Variants in CADM2 observed in about 807,000 individuals in gnomAD.
CADM2 encodes immunoglobulin superfamily member 4D.
In CADM2, 12 loss-of-function variants were observed where a neutral mutation model predicts 49.8. The ratio of observed to expected loss-of-function variants is 0.24; its 90% confidence interval spans 0.15 to 0.39. CADM2 has a LOEUF of 0.39. Ranked by LOEUF, CADM2 falls within the 10% of genes least tolerant of loss-of-function variation. The pLI is 1.00. For synonymous variants in CADM2, 214 were observed against 175.4 expected (o/e 1.22, Z -1.74); for missense variants, 378 against 492.3 (o/e 0.77, Z 2.20).
chr3:85,059,974 G>A (rs980072209), intron 1 of CADM2, among the ~76,000 whole-genome samples: 3 of 150,356 alleles, frequency 2.0e-5, no homozygotes, highest in Non-Finnish European at 4.4e-5. Flanking sequence ...GAGAGCCAAG[G>A]ATAAAAGTCA....
intron 1 of CADM2, among the ~76,000 whole-genome samples, chr3:85,358,693 T>G (rs1220724917): frequency 1.3e-5 from 2 of 152,188 alleles, no homozygotes; most frequent in Non-Finnish European, 2.9e-5. Flanking sequence ...GTACTAATCT[T>G]AGAAGAACTG....
intron 1 of CADM2, among the ~76,000 whole-genome samples, chr3:85,685,280 T>C (rs1377181855): frequency 6.6e-6 from 1 of 152,188 alleles, no homozygotes; most frequent in Non-Finnish European, 1.5e-5. Context: ...GCATGTCCCC[T>C]TGGTCCTTCA....
At chr3:85,379,473 G>A (rs1368663265) in intron 1 of CADM2, among the ~76,000 whole-genome samples, 4 of 151,940 alleles carry the variant, frequency 2.6e-5, no homozygotes, top group African/African-American at 9.7e-5. Context: ...TTCTGAGACT[G>A]GTTTTTAGGC....
At chr3:85,963,341 T>C (rs916726137) in intron 8 of CADM2, among the ~76,000 whole-genome samples, 3 of 152,024 alleles carry the variant, frequency 2.0e-5, no homozygotes, top group African/African-American at 7.2e-5. Context: ...TTAAATGTGG[T>C]AATCCCTGTA....
chr3:85,574,860 C>G (rs2062586467), intron 1 of CADM2, among the ~76,000 whole-genome samples: 1 of 152,108 alleles, frequency 6.6e-6, no homozygotes, highest in Non-Finnish European at 1.5e-5. Context: ...AGCACTTTAG[C>G]AAACTCTCTG....
intron 1 of CADM2, among the ~76,000 whole-genome samples, chr3:85,335,085 G>A (rs958595945): frequency 6.6e-6 from 1 of 151,282 alleles, no homozygotes; most frequent in Non-Finnish European, 1.5e-5. Flanking sequence ...TAAATAAAAT[G>A]CTACAAACAT....
At chr3:85,646,869 A>G (rs1435033604) in intron 1 of CADM2, among the ~76,000 whole-genome samples, 1 of 151,952 alleles carries the variant, frequency 6.6e-6, no homozygotes, top group African/African-American at 2.4e-5. Flanking sequence ...AACACAGGGC[A>G]ATAAATAAAT....
At chr3:85,219,128 G>C (rs191300067) in intron 1 of CADM2, among the ~76,000 whole-genome samples, 1 of 152,116 alleles carries the variant, frequency 6.6e-6, no homozygotes, top group African/African-American at 2.4e-5. Flanking sequence ...AATTAATGGT[G>C]AAAAGAATAA....
intron 1 of CADM2, among the ~76,000 whole-genome samples, chr3:85,110,394 C>G (rs2038404809): frequency 6.6e-6 from 1 of 151,840 alleles, no homozygotes; most frequent in Non-Finnish European, 1.5e-5. Flanking sequence ...ACACAACACT[C>G]TCATTTCTTA....
intron 5 of CADM2, among the ~76,000 whole-genome samples, chr3:85,906,457 C>A (rs1716826756): frequency 6.6e-6 from 1 of 152,072 alleles, no homozygotes; most frequent in Non-Finnish European, 1.5e-5. Flanking sequence ...CTTTTCAGAT[C>A]TATTAAGAAG....
chr3:85,530,573 C>T (rs2061283309), intron 1 of CADM2, among the ~76,000 whole-genome samples: 1 of 152,000 alleles, frequency 6.6e-6, no homozygotes, highest in South Asian at 2.1e-4. Context: ...TCATGATCCA[C>T]CCTCCTTGGC....
intron 1 of CADM2, among the ~76,000 whole-genome samples, chr3:84,970,107 T>C (rs2031316575): frequency 6.8e-6 from 1 of 146,042 alleles, no homozygotes; most frequent in Non-Finnish European, 1.5e-5. Context: ...GATTAGTCCC[T>C]GAAGTGAAGA....
chr3:85,618,680 C>T (rs2063872405), intron 1 of CADM2, among the ~76,000 whole-genome samples: 1 of 151,994 alleles, frequency 6.6e-6, no homozygotes, highest in African/African-American at 2.4e-5. Flanking sequence ...GTATAATACA[C>T]ATATTATACT....
chr3:85,604,512 G>C (rs1035787296), intron 1 of CADM2, among the ~76,000 whole-genome samples: 1 of 151,908 alleles, frequency 6.6e-6, no homozygotes, highest in Non-Finnish European at 1.5e-5. Context: ...CTAAAACCTG[G>C]TTGTGATATA....
chr3:85,986,848 C>T (rs995032555), intron 8 of CADM2, among the ~76,000 whole-genome samples: 1 of 152,006 alleles, frequency 6.6e-6, no homozygotes, highest in South Asian at 2.1e-4. Context: ...GGAGTGGCTG[C>T]AGGCAGGATG....
intron 1 of CADM2, among the ~76,000 whole-genome samples, chr3:85,533,814 C>A (rs934958581): frequency 6.6e-6 from 1 of 152,124 alleles, no homozygotes; most frequent in African/African-American, 2.4e-5. Context: ...CCATGGAGGC[C>A]ATCTGGATGC....
chr3:85,576,112 A>G (rs150537443), intron 1 of CADM2, among the ~76,000 whole-genome samples: 170 of 152,308 alleles, frequency 1.1e-3, no homozygotes, highest in African/African-American at 3.9e-3. Flanking sequence ...CTCTTAGTAT[A>G]ACTACCAGAT....
intron 8 of CADM2, among the ~76,000 whole-genome samples, chr3:86,065,335 A>G (rs1348587776): frequency 1.3e-5 from 2 of 152,250 alleles, no homozygotes; most frequent in African/African-American, 4.8e-5. Flanking sequence ...GGAAAGGTCT[A>G]TAGCTATACA....
At chr3:85,624,281 GT>G (rs2064058917) in intron 1 of CADM2, among the ~76,000 whole-genome samples, 1 of 152,036 alleles carries the variant, frequency 6.6e-6, no homozygotes, top group Non-Finnish European at 1.5e-5. Flanking sequence ...TTTGACAGTT[GT>G]TCACCTGGTA....
Sources: gnomAD v4.1 joint callset for allele counts (sites outside exome capture counted in the v4.1 genomes callset) on GRCh38, gnomAD v4.1.1 for gene constraint, MANE v1.5 for transcripts, NCBI Gene and HGNC (gene_info 2026-07-23, HGNC 2026-07-21) for gene names.